KAZN: variants seen among roughly 807,000 people sequenced by gnomAD.
KAZN encodes kazrin, periplakin interacting protein, also known as kazrin.
KAZN carries 40 observed loss-of-function variants against 87.4 expected under a neutral mutation model. That is an observed-to-expected ratio of 0.46 (90% CI 0.36 to 0.60). The LOEUF is 0.60. Ranked by LOEUF, KAZN falls within the 20% of genes least tolerant of loss-of-function variation. KAZN has a pLI of 0.00. For missense variants in KAZN, 898 were observed against 1,073.9 expected (o/e 0.84, Z 2.29); for synonymous variants, 466 against 458.3 (o/e 1.02, Z -0.22).
chr1:15,024,943 C>A (rs1671031627), intron 2 of KAZN, among the ~76,000 whole-genome samples: 1 of 152,152 alleles, frequency 6.6e-6, no homozygotes, highest in African/African-American at 2.4e-5. Context: ...ATCAGCATGG[C>A]CTGTCCCTCC....
intron 1 of KAZN, among the ~76,000 whole-genome samples, chr1:14,102,737 C>T (rs1362676518): frequency 6.6e-6 from 1 of 152,084 alleles, no homozygotes; most frequent in Admixed American, 6.5e-5. Flanking sequence ...CATAACCGCA[C>T]ACCATGGACT....
At chr1:14,140,475 G>A (rs1557508606) in intron 1 of KAZN, among the ~76,000 whole-genome samples, 1 of 152,066 alleles carries the variant, frequency 6.6e-6, no homozygotes, top group Non-Finnish European at 1.5e-5. Context: ...ACGTTTGCAT[G>A]ATCTGCATTC....
chr1:14,951,111 A>C (rs1208560076), intron 1 of KAZN, among the ~76,000 whole-genome samples: 1 of 152,198 alleles, frequency 6.6e-6, no homozygotes, highest in African/African-American at 2.4e-5. Flanking sequence ...AGGCTCAGAA[A>C]GCATAACTGT....
chr1:14,114,950 A>G (rs1206428622), intron 1 of KAZN, among the ~76,000 whole-genome samples: 2 of 152,232 alleles, frequency 1.3e-5, no homozygotes, highest in South Asian at 2.1e-4. Flanking sequence ...GGAGGTGCTC[A>G]GTCTCTGACC....
chr1:14,536,639 T>C (rs1039787752), intron 2 of KAZN, among the ~76,000 whole-genome samples: 2 of 152,122 alleles, frequency 1.3e-5, no homozygotes, highest in African/African-American at 4.8e-5. Flanking sequence ...CCCAACACTT[T>C]GGGAGGCTGA....
intron 1 of KAZN, among the ~76,000 whole-genome samples, chr1:14,892,296 C>G (rs1316935134): frequency 6.6e-6 from 1 of 152,178 alleles, no homozygotes; most frequent in Non-Finnish European, 1.5e-5. Flanking sequence ...CCAGCCATCT[C>G]TGATGACCCA....
intron 8 of KAZN, among the ~76,000 whole-genome samples, chr1:15,091,091 T>C (rs764650893): frequency 2.6e-5 from 4 of 152,098 alleles, no homozygotes; most frequent in Non-Finnish European, 5.9e-5. Flanking sequence ...CAGAAAAGTA[T>C]GCACAGTCAC....
intron 1 of KAZN, among the ~76,000 whole-genome samples, chr1:13,920,647 G>A (rs201186947): frequency 3.3e-5 from 5 of 152,030 alleles, no homozygotes; most frequent in African/African-American, 1.2e-4. Context: ...AGGGTTTAGG[G>A]AGGGAGAGCT....
chr1:15,043,428 C>T (rs1048554133), intron 3 of KAZN, among the ~76,000 whole-genome samples: 5 of 152,170 alleles, frequency 3.3e-5, no homozygotes, highest in African/African-American at 1.2e-4. Context: ...GGAACCCAGA[C>T]TCGATGAGGT....
chr1:15,049,307 G>C (rs546144097), intron 4 of KAZN, among the ~76,000 whole-genome samples: 1 of 152,236 alleles, frequency 6.6e-6, no homozygotes, highest in Admixed American at 6.5e-5. Flanking sequence ...CGCTGCTGAC[G>C]AGCGCGGCTT....
intron 2 of KAZN, among the ~76,000 whole-genome samples, chr1:14,570,537 G>A (rs374538843): frequency 1.3e-5 from 2 of 152,150 alleles, no homozygotes; most frequent in East Asian, 1.9e-4. Context: ...TGTTTTTGGG[G>A]TTCACTCCTG....
intron 1 of KAZN, among the ~76,000 whole-genome samples, chr1:14,670,869 G>T (rs541649992): frequency 6.6e-6 from 1 of 152,296 alleles, no homozygotes; most frequent in Admixed American, 6.5e-5. Flanking sequence ...TCTCGACAAG[G>T]GGTGACTTAC....
chr1:14,549,783 T>G (rs1374708868), intron 2 of KAZN, among the ~76,000 whole-genome samples: 1 of 148,706 alleles, frequency 6.7e-6, no homozygotes, highest in African/African-American at 2.5e-5. Context: ...GCACAAGGCC[T>G]GTATCCTGTC....
intron 1 of KAZN, among the ~76,000 whole-genome samples, chr1:14,836,056 G>A (rs1452760736): frequency 6.6e-6 from 1 of 152,188 alleles, no homozygotes; most frequent in Non-Finnish European, 1.5e-5. Flanking sequence ...GCAGGCCCCT[G>A]AGCCCCTCCG....
chr1:14,164,748 C>T (rs1327624889), intron 1 of KAZN, among the ~76,000 whole-genome samples: 1 of 152,032 alleles, frequency 6.6e-6, no homozygotes, highest in East Asian at 1.9e-4. Context: ...CCATGTTGGT[C>T]AGGCTGGTCC....
chr1:14,573,035 A>G (rs1328038559), intron 2 of KAZN, among the ~76,000 whole-genome samples: 1 of 152,186 alleles, frequency 6.6e-6, no homozygotes, highest in Non-Finnish European at 1.5e-5. Flanking sequence ...AATGTAACCG[A>G]TCACTCATGC....
chr1:15,061,126 A>G (rs1468683109), intron 6 of KAZN: 1 of 152,232 alleles, frequency 6.6e-6, no homozygotes, highest in Non-Finnish European at 1.5e-5. Context: ...AATAGATAAT[A>G]AAAAAGAAAT....
At chr1:14,541,068 C>A (rs1167481728) in intron 2 of KAZN, among the ~76,000 whole-genome samples, 2 of 152,174 alleles carry the variant, frequency 1.3e-5, no homozygotes, top group Non-Finnish European at 2.9e-5. Flanking sequence ...TATTTACCCC[C>A]CTACTCAAGT....
At chr1:14,962,798 AAGG>A (rs952595818) in intron 2 of KAZN, among the ~76,000 whole-genome samples, 1 of 152,082 alleles carries the variant, frequency 6.6e-6, no homozygotes, top group Non-Finnish European at 1.5e-5. Context: ...CTGGATCTGC[AAGG>A]AGGAGAAAAA....
Sources: allele counts gnomAD v4.1 joint callset (sites outside exome capture counted in the v4.1 genomes callset), GRCh38; gene constraint gnomAD v4.1.1; transcripts MANE v1.5; gene names NCBI Gene and HGNC (gene_info 2026-07-23, HGNC 2026-07-21).